Variants in NR1H2 observed in about 807,000 individuals in gnomAD.
The protein encoded by NR1H2 is oxysterols receptor LXR-beta.
NR1H2 carries 33 observed loss-of-function variants against 51.2 expected under a neutral mutation model. That is an observed-to-expected ratio of 0.64 (90% CI 0.49 to 0.86). NR1H2 has a LOEUF of 0.86. Among genes scored for constraint, NR1H2 ranks in the 40% least tolerant of loss-of-function variants. The pLI is 0.00. For missense variants in NR1H2, 592 were observed against 639.9 expected, an observed-to-expected ratio of 0.93 and a Z score of 0.81; for synonymous variants, 310 against 264.3, an observed-to-expected ratio of 1.17 and a Z score of -1.68.
chr19:50,378,887 A>G (rs2037717754), intron 6 of NR1H2, 91 bp downstream of exon 6: 4 of 1,561,422 alleles, frequency 2.6e-6, no homozygotes, highest in Non-Finnish European at 3.5e-6. Flanking sequence ...ATGAGGCTCC[A>G]GAGGGCAGGG....
rs993701646 is a variant in NR1H2, at chr19:50,382,467, C to G, written c.1248C>G (p.Arg416=). The stretch of plus-strand genomic sequence containing the variant: ...GCCTCCTCCCTCAGGACCAGCTGCG[C>G]TTCCCGCGCATGCTCATGAAGCTGG... ...TRIKRPQDQL[R]FPRMLMKLVS... The change falls in exon 10 of 10, where the codon CGC becomes CGG. Residue 416 remains arginine (R), a synonymous_variant. Transcript: ENST00000253727. 1 of 1,603,204 alleles carries G rather than the reference C, an allele frequency of 6.2e-7. No individual in the cohort carries two copies. The highest frequency in any genetic ancestry group is 1.1e-5 in the South Asian group (1 of 90,074).
At chr19:50,378,473 GCC>G (rs1568594382) in intron 5 of NR1H2, 34 bp downstream of exon 5, 1 of 1,572,106 alleles carries the variant, frequency 6.4e-7, no homozygotes, top group East Asian at 2.3e-5. Context: ...TGCCGGCCTG[GCC>G]CCCCGCCTAG....
intron 6 of NR1H2, 75 bp from the exon 7 acceptor site, chr19:50,378,927 G>A (rs2037718864): frequency 6.4e-7 from 1 of 1,553,198 alleles, no homozygotes; most frequent in South Asian, 1.2e-5. Context: ...CCAGGGTGCA[G>A]GCTTGGCCTC....
chr19:50,379,687 G>A lies in NR1H2; in HGVS notation c.928-93G>A, dbSNP rs59018500. The A allele has an allele frequency of 2.9e-3, 2,270 of 786,544 alleles. 35 individuals are homozygous for A. In the African/African-American group the frequency reaches 0.03, roughly 10 times the overall value. 48.7% of individuals were successfully genotyped at this position (786,544 alleles called of 1,614,324 possible). On this transcript the variant is annotated intron_variant, in intron 7 of 9. Coordinates refer to ENST00000253727, the MANE Select transcript of NR1H2 (RefSeq NM_007121.7). ...GGGGAAGGGGACAAGGGATAATCCT[G>A]GTGAGATTAGACCCCCATTTGGGCC... is the stretch of plus-strand genomic sequence containing the variant.
Position 50,378,787 on chromosome 19 carries a change from C to G in NR1H2, c.738C>G (p.Pro246=), listed in dbSNP as rs766044304. Residue 246 remains proline, a synonymous_variant, in exon 6 of 10, where the codon CCC becomes CCG. Coordinates refer to ENST00000253727, the MANE Select transcript of NR1H2 (RefSeq NM_007121.7). The part of the protein sequence containing the change: ...QCNKRSFSDQ[P]KVTPWPLGAD... ...ACAAACGCTCCTTCTCCGACCAGCC[C>G]AAAGTCACGGTACTGCCCCCTCCAC... The G allele has an allele frequency of 1.2e-6, 2 of 1,613,338 alleles. No homozygotes were observed. Among genetic ancestry groups the G allele is most frequent in the Middle Eastern group, 1.7e-4 (1 of 6,058 alleles).
intron 8 of NR1H2, among the ~76,000 whole-genome samples, chr19:50,380,878 C>T (rs1162945418): frequency 6.6e-6 from 1 of 152,214 alleles, no homozygotes; most frequent in Non-Finnish European, 1.5e-5. Context: ...CGCCTGCCTC[C>T]ACCCCTGCCT....
At chr19:50,377,707 C>G in intron 3 of NR1H2, 26 bp from the exon 4 acceptor site, 1 of 1,603,522 alleles carries the variant, frequency 6.2e-7, no homozygotes, top group Non-Finnish European at 8.5e-7. Context: ...CTCACTGTAC[C>G]TCTCCCGGAT....
chr19:50,382,568 C>A lies in NR1H2; in HGVS notation c.1349C>A (p.Pro450His). 1 of 1,603,138 alleles carries A rather than the reference C, an allele frequency of 6.2e-7. No individual in the cohort carries two copies. Among genetic ancestry groups the A allele is most frequent in the Non-Finnish European group, 8.5e-7 (1 of 1,174,878 alleles). ...CGGCTCCAGGACAAGAAGCTGCCGC[C>A]TCTGCTGTCGGAGATCTGGGACGTC... ...ALRLQDKKLP[P>H]LLSEIWDVHE is the part of the protein sequence containing the mutation. Residue 450 changes from proline (P) to histidine (H), a missense_variant, in exon 10 of 10, where the codon CCT becomes CAT. Pro to His is a moderately conservative substitution (Grantham distance 77). This residue lies in a region of NR1H2 where 174 missense variants were observed against 174.0 expected (regional missense o/e 1.00). Transcript: ENST00000253727.
At position 50,382,812 on chromosome 19, in the gene NR1H2, C is replaced by G; in HGVS notation, c.*210C>G. The stretch of plus-strand genomic sequence containing the variant: ...AGAAGGGGTGAAAGGGTTGCAGGTC[C>G]CGACCACTGACCCTTCCCGGCTGCC... On this transcript the variant is annotated 3_prime_UTR_variant, in exon 10 of 10. Transcript: ENST00000253727. 2 of 494,606 alleles carry G rather than the reference C, an allele frequency of 4.0e-6. No homozygotes were observed. The highest frequency in any genetic ancestry group is 6.9e-5 in the South Asian group (2 of 29,178). The allele number at this position is 494,606 out of a possible 1,614,324, so 30.6% of individuals were successfully genotyped here.
At position 50,378,311 on chromosome 19, in the gene NR1H2, TGGTCCG is replaced by T; in HGVS notation, c.345_350del (p.Val116_Arg117del). On this transcript the variant is annotated inframe_deletion, in exon 5 of 10. Transcript: ENST00000253727. ...TGCAAGGGCTTCTTCCGGCGCAGTG[TGGTCCG>T]TGGTGGGGCCAGGCGCTATGCCTGC... 6.2e-7 allele frequency: 1 copy of T among 1,613,214 alleles called. No individual in the cohort carries two copies. The highest frequency in any genetic ancestry group is 8.5e-7 in the Non-Finnish European group (1 of 1,180,000).
At position 50,377,642 on chromosome 19, in the gene NR1H2, C is replaced by G. The variant is rs1450125743; in HGVS notation, c.37C>G (p.Leu13Val). The part of the protein sequence containing the change: ...SPTTSSLDTP[L>V]PGNGPPQPGA... Reference sequence around the variant, plus strand: ...TACCACGAGTTCCCTGGATACCCCCCTGCCTGGTGAGTGACTCTCTTCCCC... The same window carrying G: ...TACCACGAGTTCCCTGGATACCCCCGTGCCTGGTGAGTGACTCTCTTCCCC... The change falls in exon 3 of 10, where the codon CTG becomes GTG. Residue 13 changes from leucine to valine, a missense_variant. Physicochemically the swap from Leu to Val is conservative, Grantham distance 32 (BLOSUM62 1). Around this residue, in one of 3 missense-constraint regions of NR1H2, gnomAD observed 316 missense variants for 313.4 expected, o/e 1.01. Coordinates refer to ENST00000253727, the MANE Select transcript of NR1H2 (RefSeq NM_007121.7). 2.5e-6 allele frequency: 4 copies of G among 1,613,824 alleles called. No individual in the cohort carries two copies. In the East Asian group the frequency reaches 6.7e-5, roughly 27 times the overall value.
intron 7 of NR1H2, among the ~76,000 whole-genome samples, chr19:50,379,543 A>C (rs904691531): frequency 3.3e-5 from 5 of 152,182 alleles, no homozygotes; most frequent in Non-Finnish European, 5.9e-5. Flanking sequence ...CCTTGTGCTC[A>C]CCTGGGGAAA....
Position 50,382,632 on chromosome 19 carries a change from C to T in NR1H2, c.*30C>T, listed in dbSNP as rs770442851. 3.9e-6 allele frequency: 6 copies of T among 1,522,508 alleles called. No homozygotes were observed. Among genetic ancestry groups the T allele is most frequent in the Admixed American group, 2.1e-5 (1 of 47,930 alleles). 94.3% of individuals were successfully genotyped at this position (1,522,508 alleles called of 1,614,324 possible). On this transcript the variant is annotated 3_prime_UTR_variant, in exon 10 of 10. Coordinates refer to ENST00000253727, the MANE Select transcript of NR1H2 (RefSeq NM_007121.7). ...CTGGCCACCCAGCCCCACAGCCTTG[C>T]CTGACCACCCTCCAGCAGATAGACG...
At chr19:50,379,355 A>G (rs1489926489) in intron 7 of NR1H2, among the ~76,000 whole-genome samples, 174 bp downstream of exon 7, 1 of 152,156 alleles carries the variant, frequency 6.6e-6, no homozygotes, top group African/African-American at 2.4e-5. Flanking sequence ...AAAATTGAGG[A>G]TCAGGCTAGA....
intron 5 of NR1H2, 40 bp downstream of exon 5, chr19:50,378,479 C>T (rs751363555): frequency 1.5e-5 from 24 of 1,579,014 alleles, no homozygotes; most frequent in East Asian, 4.5e-5. Context: ...CCTGGCCCCC[C>T]GCCTAGCCCT....
rs146399256 is a variant in NR1H2 at position 50,380,624 on chromosome 19, G to T, written c.1027+745G>T. Reference sequence around the variant, plus strand: ...CCTTTCACCACCCGAGACGGTCCCAGTAACCCTTTTAGTATGAGCTTAGCA... The same window carrying T: ...CCTTTCACCACCCGAGACGGTCCCATTAACCCTTTTAGTATGAGCTTAGCA... On this transcript the variant is annotated intron_variant, in intron 8 of 9. Transcript: ENST00000253727. Among the ~76,000 whole-genome samples the T allele has an allele frequency of 3.6e-3, 541 of 152,244 alleles. 9 individuals carry two copies. The highest frequency in any genetic ancestry group is 0.012 in the African/African-American group (519 of 41,542).
chr19:50,379,025 C>T lies in NR1H2; in HGVS notation c.771C>T (p.Pro257=). ...AGCCCTGGCCCCTGGGCGCAGACCC[C>T]CAGTCCCGAGATGCCCGCCAGCAAC... is the stretch of plus-strand genomic sequence containing the variant. ...KVTPWPLGAD[P]QSRDARQQRF... The change falls in exon 7 of 10, where the codon CCC becomes CCT. Residue 257 remains proline (P), a synonymous_variant. Transcript: ENST00000253727. 1 of 1,612,074 alleles carries T rather than the reference C, an allele frequency of 6.2e-7. No individual in the cohort carries two copies. Among genetic ancestry groups the T allele is most frequent in the Non-Finnish European group, 8.5e-7 (1 of 1,179,414 alleles).
intron 6 of NR1H2, 99 bp downstream of exon 6, chr19:50,378,895 G>A: frequency 1.3e-6 from 2 of 1,555,432 alleles, no homozygotes; most frequent in South Asian, 2.5e-5. Context: ...CCAGAGGGCA[G>A]GGGCTTTGGG....
At position 50,380,456 on chromosome 19, in the gene NR1H2, A is replaced by T. The variant is rs138030292; in HGVS notation, c.1027+577A>T. 3.1e-3 allele frequency among the ~76,000 whole-genome samples: 468 copies of T among 152,234 alleles called. 3 individuals are homozygous for T. The highest frequency in any genetic ancestry group is 9.8e-3 in the African/African-American group (408 of 41,516). On this transcript the variant is annotated intron_variant, in intron 8 of 9. Coordinates refer to ENST00000253727, the MANE Select transcript of NR1H2 (RefSeq NM_007121.7). Reference sequence around the variant, plus strand: ...TGGGCAGTGAGAGGCACTGCCTAGGAAAAGGGTGGGAGGAGCATTGCTAGT... The same window carrying T: ...TGGGCAGTGAGAGGCACTGCCTAGGTAAAGGGTGGGAGGAGCATTGCTAGT...
Sources: gnomAD v4.1 joint callset for allele counts (sites outside exome capture counted in the v4.1 genomes callset) on GRCh38, gnomAD v4.1.1 for gene constraint, gnomAD v4.1.1 regional missense constraint, MANE v1.5 for transcripts, NCBI Gene and HGNC (gene_info 2026-07-23, HGNC 2026-07-21) for gene names.